NCOA2: variants seen among roughly 807,000 people sequenced by gnomAD.
The protein encoded by NCOA2 is nuclear receptor coactivator 2, also known as class E basic helix-loop-helix protein 75.
A neutral mutation model predicts 145.1 loss-of-function variants in NCOA2; 21 were observed. That is an observed-to-expected ratio of 0.14 (90% CI 0.10 to 0.21). The LOEUF (loss-of-function observed/expected upper bound fraction) is 0.21. Among genes scored for constraint, NCOA2 ranks in the 10% least tolerant of loss-of-function variants. The probability of loss-of-function intolerance (pLI) is 1.00; values close to 1 mark genes in which losing one functional copy is unlikely to be tolerated. For missense variants in NCOA2, 1,472 were observed against 1,837.6 expected (o/e 0.80, Z 3.64); for synonymous variants, 619 against 637.5 (o/e 0.97, Z 0.44).
At chr8:70,432,439 A>C in the NCOA2 span, among the ~76,000 whole-genome samples, 1 of 152,156 alleles carries the variant, frequency 6.6e-6, no homozygotes, top group Non-Finnish European at 1.5e-5. Flanking sequence ...AGGTGAGAGG[A>C]TTGCTTGAGG....
chr8:70,148,974 ATT>A (rs778840741), intron 11 of NCOA2, among the ~76,000 whole-genome samples: 1 of 146,926 alleles, frequency 6.8e-6, no homozygotes. Flanking sequence ...TCCCTTCAGG[ATT>A]TTTTTTTTTT....
chr8:70,132,048 G>A, intron 15 of NCOA2, 46 bp from the exon 16 acceptor site: 1 of 1,563,184 alleles, frequency 6.4e-7, no homozygotes, highest in East Asian at 2.3e-5. Flanking sequence ...AAAGCTAGTT[G>A]ATTAGAGAAC....
Position 70,156,110 on chromosome 8 carries a change from T to C in NCOA2, c.2255A>G (p.Asp752Gly). The C allele has an allele frequency of 6.2e-7, 1 of 1,614,018 alleles. No individual in the cohort carries two copies. Among genetic ancestry groups the C allele is most frequent in the Non-Finnish European group, 8.5e-7 (1 of 1,179,888 alleles). The change falls in exon 11 of 23, where the codon GAT becomes GGT. Residue 752 changes from aspartate (D) to glycine (G), a missense_variant. Coordinates refer to ENST00000452400, the MANE Select transcript of NCOA2 (RefSeq NM_006540.4). ...NALLRYLLDKDDTKDIGLPEI... is the reference protein window; with the variant it reads ...NALLRYLLDKGDTKDIGLPEI... ...TGGTAAACCAATATCTTTAGTATCA[T>C]CTTTATCTAGCAAATAGCGAAGTAG... is the stretch of plus-strand genomic sequence containing the variant.
the NCOA2 span, among the ~76,000 whole-genome samples, chr8:70,438,585 A>G: frequency 4.6e-5 from 7 of 152,156 alleles, no homozygotes; most frequent in Non-Finnish European, 8.8e-5. Flanking sequence ...TTTGGCTTAC[A>G]TGTTTTATAA....
intron 1 of NCOA2, among the ~76,000 whole-genome samples, chr8:70,325,850 T>C (rs573236530): frequency 1.2e-4 from 18 of 152,338 alleles, no homozygotes; most frequent in African/African-American, 4.3e-4. Flanking sequence ...TTCTGATCTT[T>C]CTGGCCAAAG....
chr8:70,146,598 C>G (rs1811088875), intron 12 of NCOA2, among the ~76,000 whole-genome samples: 2 of 152,144 alleles, frequency 1.3e-5, no homozygotes, highest in African/African-American at 2.4e-5. Context: ...CATCAATAAT[C>G]TGAATACCAC....
intron 4 of NCOA2, among the ~76,000 whole-genome samples, chr8:70,193,063 T>C (rs920401031): frequency 1.9e-4 from 11 of 57,426 alleles, no homozygotes; most frequent in South Asian, 9.3e-4. Flanking sequence ...CGAGACTCTA[T>C]TAAAAAAAAA....
chr8:70,372,632 A>T (rs1327698849), intron 1 of NCOA2, among the ~76,000 whole-genome samples: 2 of 152,170 alleles, frequency 1.3e-5, no homozygotes, highest in Non-Finnish European at 2.9e-5. Flanking sequence ...CTATACCAAA[A>T]CTTATTTTTC....
chr8:70,257,333 AT>A (rs759262541), intron 2 of NCOA2, among the ~76,000 whole-genome samples: 1 of 152,234 alleles, frequency 6.6e-6, no homozygotes, highest in Non-Finnish European at 1.5e-5. Flanking sequence ...ATTGCCATAC[AT>A]TTATTCAGGA....
intron 1 of NCOA2, among the ~76,000 whole-genome samples, chr8:70,299,947 A>T (rs952804447): frequency 6.6e-6 from 1 of 152,224 alleles, no homozygotes; most frequent in African/African-American, 2.4e-5. Context: ...CCACTCAATA[A>T]AGGGGAATGA....
At position 70,213,931 on chromosome 8, in the gene NCOA2, C is replaced by T; in HGVS notation, c.231G>A (p.Val77=). 1 of 1,604,416 alleles carries T rather than the reference C, an allele frequency of 6.2e-7. No homozygotes were observed. Among genetic ancestry groups the T allele is most frequent in the Non-Finnish European group, 8.5e-7 (1 of 1,175,500 alleles). The part of the protein sequence containing the change: ...PDKCAILKET[V]KQIRQIKEQE... ...GTTCTTTGATCTGACGAATTTGCTT[C>T]ACAGTTTCTTTTAAGATTGCACATT... is the stretch of plus-strand genomic sequence containing the variant. Residue 77 remains valine (V), a synonymous_variant, in exon 4 of 23, where the codon GTG becomes GTA. Transcript: ENST00000452400.
At chr8:70,196,177 A>G (rs935684171) in intron 4 of NCOA2, among the ~76,000 whole-genome samples, 4 of 152,116 alleles carry the variant, frequency 2.6e-5, no homozygotes. Context: ...GGAGTTCGAG[A>G]CCAGCCTGGA....
chr8:70,355,594 T>TC (rs543194625), intron 1 of NCOA2, among the ~76,000 whole-genome samples: 57 of 151,880 alleles, frequency 3.8e-4, no homozygotes, highest in Non-Finnish European at 7.1e-4. Context: ...TTTTTTTTTT[T>TC]CTCTCATCGG....
At chr8:70,432,556 GA>G in the NCOA2 span, among the ~76,000 whole-genome samples, 3 of 152,162 alleles carry the variant, frequency 2.0e-5, no homozygotes, top group Non-Finnish European at 4.4e-5. Flanking sequence ...CCAGCTACTC[GA>G]AAGGCCGAGG....
intron 1 of NCOA2, among the ~76,000 whole-genome samples, chr8:70,359,545 G>A (rs1586590767): frequency 6.6e-6 from 1 of 152,132 alleles, no homozygotes; most frequent in African/African-American, 2.4e-5. Flanking sequence ...ATTAGTGGTT[G>A]CCAGCCACTC....
chr8:70,371,180 T>TC, intron 1 of NCOA2, among the ~76,000 whole-genome samples: 1 of 152,088 alleles, frequency 6.6e-6, no homozygotes, highest in Non-Finnish European at 1.5e-5. Context: ...TCCCAGCTAC[T>TC]CGGGAGGCTG....
At chr8:70,405,437 G>GTTTTTTTTTTTTTTTTTTTTTTTTTTTTT (rs34814735), upstream of NCOA2, among the ~76,000 whole-genome samples, 3 of 59,364 alleles carry the variant, frequency 5.1e-5, no homozygotes, top group Non-Finnish European at 8.2e-5. Flanking sequence ...ATTTTTAAAG[G>GTTTTTTTTTTTTTTTTTTTTTTTTTTTTT]TTTTTTTTTT....
In NCOA2 at chr8:70,148,270, C is replaced by T; in HGVS notation, c.2605+3G>A. On this transcript the variant is annotated splice_donor_region_variant and intron_variant, in intron 12 of 22. Coordinates refer to ENST00000452400, the MANE Select transcript of NCOA2 (RefSeq NM_006540.4). Reference sequence around the variant, plus strand: ...GGCATAACCAGCCATTTCTCATACTCACTGCTCTGTGAAATTCGCAGTGCT... The same window carrying T: ...GGCATAACCAGCCATTTCTCATACTTACTGCTCTGTGAAATTCGCAGTGCT... 1 of 1,613,506 alleles carries T rather than the reference C, an allele frequency of 6.2e-7. No individual in the cohort carries two copies. The highest frequency in any genetic ancestry group is 1.1e-5 in the South Asian group (1 of 91,034).
At chr8:70,242,764 G>T (rs1369256730) in intron 2 of NCOA2, among the ~76,000 whole-genome samples, 1 of 151,942 alleles carries the variant, frequency 6.6e-6, no homozygotes, top group Non-Finnish European at 1.5e-5. Flanking sequence ...AAACAAAAAG[G>T]TCCTATGAAC....
Sources: gnomAD v4.1 joint callset for allele counts (sites outside exome capture counted in the v4.1 genomes callset) on GRCh38, gnomAD v4.1.1 for gene constraint, MANE v1.5 for transcripts, NCBI Gene and HGNC (gene_info 2026-07-23, HGNC 2026-07-21) for gene names.